Variants in HS3ST4 observed in about 807,000 individuals in gnomAD.
HS3ST4 encodes the protein heparan sulfate-glucosamine 3-sulfotransferase 4, also known as heparan sulfate glucosamine 3-O-sulfotransferase 4.
In HS3ST4, 17 loss-of-function variants were observed where a neutral mutation model predicts 29.2. The ratio of observed to expected loss-of-function variants is 0.58; its 90% confidence interval spans 0.40 to 0.87. The LOEUF is 0.87. Ranked by LOEUF, HS3ST4 falls within the 40% of genes least tolerant of loss-of-function variation. The pLI, the probability that HS3ST4 is intolerant of heterozygous loss-of-function variation, is 0.00. For synonymous variants in HS3ST4, 314 were observed against 285.7 expected (o/e 1.10, Z -1.00); for missense variants, 627 against 634.5 (o/e 0.99, Z 0.13).
At chr16:26,003,171 A>G (rs1025025893) in intron 1 of HS3ST4, among the ~76,000 whole-genome samples, 2 of 152,216 alleles carry the variant, frequency 1.3e-5, no homozygotes, top group African/African-American at 4.8e-5. Context: ...ACCAGAGATT[A>G]TATAACATAA....
intron 1 of HS3ST4, among the ~76,000 whole-genome samples, chr16:25,872,423 G>T (rs1967764816): frequency 6.6e-6 from 1 of 152,178 alleles, no homozygotes; most frequent in Non-Finnish European, 1.5e-5. Flanking sequence ...CTGGTTGGGT[G>T]GTTCTTCTGT....
chr16:25,789,330 T>C (rs1966863058), intron 1 of HS3ST4, among the ~76,000 whole-genome samples: 1 of 150,728 alleles, frequency 6.6e-6, no homozygotes, highest in Non-Finnish European at 1.5e-5. Context: ...CCTCCTCCAT[T>C]TTCTCCTCCC....
chr16:25,927,486 G>T (rs1167437273), intron 1 of HS3ST4, among the ~76,000 whole-genome samples: 2 of 152,154 alleles, frequency 1.3e-5, no homozygotes, highest in Admixed American at 6.5e-5. Flanking sequence ...TCTCTTTCGG[G>T]ACTAGGGCTG....
intron 1 of HS3ST4, among the ~76,000 whole-genome samples, chr16:25,948,844 A>G (rs1177318881): frequency 6.6e-6 from 1 of 152,178 alleles, no homozygotes; most frequent in Non-Finnish European, 1.5e-5. Context: ...GGCACTGTGC[A>G]GCAATGCCGT....
At chr16:25,867,648 G>A (rs1182992887) in intron 1 of HS3ST4, among the ~76,000 whole-genome samples, 2 of 152,162 alleles carry the variant, frequency 1.3e-5, no homozygotes, top group Non-Finnish European at 2.9e-5. Flanking sequence ...TATTTTCTGT[G>A]TAGGTTTTAA....
At chr16:25,743,417 G>A (rs1359220173) in intron 1 of HS3ST4, among the ~76,000 whole-genome samples, 2 of 152,190 alleles carry the variant, frequency 1.3e-5, no homozygotes, top group African/African-American at 4.8e-5. Flanking sequence ...TTTATTTTGG[G>A]AACAAGTTGA....
chr16:25,903,286 G>A (rs1968137180), intron 1 of HS3ST4, among the ~76,000 whole-genome samples: 1 of 29,916 alleles, frequency 3.3e-5, no homozygotes, highest in Non-Finnish European at 7.1e-5. Flanking sequence ...GTGTGTGTGT[G>A]TGTGTGTGTG....
chr16:25,967,279 C>T (rs112380442), intron 1 of HS3ST4, among the ~76,000 whole-genome samples: 12,803 of 152,108 alleles, frequency 0.084, 726 homozygotes, highest in Non-Finnish European at 0.12. Context: ...TCAGTCTCCC[C>T]AGTAGCTGGG....
chr16:25,728,609 G>A (rs1966552137), intron 1 of HS3ST4, among the ~76,000 whole-genome samples: 1 of 152,150 alleles, frequency 6.6e-6, no homozygotes, highest in African/African-American at 2.4e-5. Context: ...ATTAAAGAAA[G>A]CCTCTGGGCA....
chr16:25,869,181 T>C (rs536586964), intron 1 of HS3ST4, among the ~76,000 whole-genome samples: 7 of 152,176 alleles, frequency 4.6e-5, no homozygotes, highest in African/African-American at 1.7e-4. Context: ...ATCCAAGTCA[T>C]AGCCTCAGGG....
chr16:25,787,720 C>G (rs539247423), intron 1 of HS3ST4, among the ~76,000 whole-genome samples: 1 of 152,254 alleles, frequency 6.6e-6, no homozygotes, highest in Non-Finnish European at 1.5e-5. Flanking sequence ...AGCTCAGGGG[C>G]TCCTTGGACT....
chr16:25,761,251 C>T (rs4787761), intron 1 of HS3ST4, among the ~76,000 whole-genome samples: 2 of 151,990 alleles, frequency 1.3e-5, no homozygotes, highest in African/African-American at 2.4e-5. Flanking sequence ...ATCCAATTCA[C>T]GGGGCTCTGG....
chr16:26,000,052 C>T (rs191498757), intron 1 of HS3ST4, among the ~76,000 whole-genome samples: 18 of 151,196 alleles, frequency 1.2e-4, no homozygotes, highest in African/African-American at 4.4e-4. Flanking sequence ...TATTATTGCC[C>T]AATCTGTTAT....
intron 1 of HS3ST4, among the ~76,000 whole-genome samples, chr16:25,962,092 G>A (rs1406723834): frequency 1.3e-5 from 2 of 152,192 alleles, no homozygotes; most frequent in Non-Finnish European, 1.5e-5. Context: ...TTGCAGACAA[G>A]TAGGCCTTGA....
At chr16:25,919,567 A>G (rs1968326779) in intron 1 of HS3ST4, among the ~76,000 whole-genome samples, 1 of 152,158 alleles carries the variant, frequency 6.6e-6, no homozygotes, top group African/African-American at 2.4e-5. Flanking sequence ...TGGTGATATC[A>G]CTTAGGGAGA....
intron 1 of HS3ST4, among the ~76,000 whole-genome samples, chr16:25,931,070 A>G (rs1295608130): frequency 1.3e-5 from 2 of 152,176 alleles, no homozygotes; most frequent in Admixed American, 6.5e-5. Flanking sequence ...ACTGTGCCCA[A>G]CCAAGATGAA....
rs1371928058 is a variant in HS3ST4, at chr16:25,828,242, C to CTGTCTTTCTTTCTTTCTT, written c.734+135092_734+135093insGTCTTTCTTTCTTTCTTT. Among the ~76,000 whole-genome samples the CTGTCTTTCTTTCTTTCTT allele has an allele frequency of 1.1e-3, 86 of 75,030 alleles. 7 individuals are homozygous for CTGTCTTTCTTTCTTTCTT. Among genetic ancestry groups the CTGTCTTTCTTTCTTTCTT allele is most frequent in the African/African-American group, 3.5e-3 (61 of 17,288 alleles). The allele number at this position is 75,030 out of a possible 152,430, so 49.2% of individuals were successfully genotyped here. A position where few individuals can be genotyped will look rare whatever the true frequency, so the allele number is the denominator to read the frequency against. On this transcript the variant is annotated intron_variant, in intron 1 of 1. Coordinates refer to ENST00000331351, the MANE Select transcript of HS3ST4 (RefSeq NM_006040.3). Reference sequence around the variant, plus strand: ...CTTTCCTTTCTTTCTTTCTTTCTTTCTCTTTCTTTCTTTCTTTCTTTCTTT... The same window carrying CTGTCTTTCTTTCTTTCTT: ...CTTTCCTTTCTTTCTTTCTTTCTTTCTGTCTTTCTTTCTTTCTTTCTTTCTTTCTTTCTTTCTTTCTTT...
intron 1 of HS3ST4, among the ~76,000 whole-genome samples, chr16:25,750,161 A>G (rs1335513236): frequency 6.6e-6 from 1 of 152,154 alleles, no homozygotes; most frequent in African/African-American, 2.4e-5. Flanking sequence ...ATGAAACAAA[A>G]ACTGGGTCAC....
At chr16:25,849,886 A>AT (rs1345654620) in intron 1 of HS3ST4, among the ~76,000 whole-genome samples, 22 of 148,330 alleles carry the variant, frequency 1.5e-4, no homozygotes, top group Non-Finnish European at 2.1e-4. Flanking sequence ...CCTTAATTCT[A>AT]TTTTTTTCTG....
Sources: gnomAD v4.1 joint callset for allele counts (sites outside exome capture counted in the v4.1 genomes callset) on GRCh38, gnomAD v4.1.1 for gene constraint, MANE v1.5 for transcripts, NCBI Gene and HGNC (gene_info 2026-07-23, HGNC 2026-07-21) for gene names.